The following CTTN variants were observed in gnomAD, a reference collection of about 807,000 sequenced individuals.
The protein encoded by CTTN is cortactin.
CTTN carries 28 observed loss-of-function variants against 84.0 expected under a neutral mutation model. The observed-to-expected ratio is 0.33, with a 90% CI of 0.25 to 0.46. The LOEUF (loss-of-function observed/expected upper bound fraction) is 0.46, where lower values mean the gene tolerates loss of function less well. Ranked by LOEUF, CTTN falls within the 20% of genes least tolerant of loss-of-function variation. The pLI is 1.00. For missense variants in CTTN, 641 were observed against 723.8 expected (o/e 0.89, Z 1.31); for synonymous variants, 301 against 288.8 (o/e 1.04, Z -0.43).
intron 11 of CTTN, chr11:70,422,195 C>A: frequency 3.0e-6 from 1 of 336,800 alleles, no homozygotes; most frequent in East Asian, 7.5e-5. Flanking sequence ...TTCCTTAGAG[C>A]AGTTATGTTG....
At chr11:70,424,533 G>A (rs563012588) in intron 12 of CTTN, among the ~76,000 whole-genome samples, 8 of 152,120 alleles carry the variant, frequency 5.3e-5, no homozygotes. Flanking sequence ...CAGGCTGGGA[G>A]GTGAAGTTGC....
At chr11:70,421,638 GCA>G in intron 11 of CTTN, 58 bp downstream of exon 11, 1 of 1,221,352 alleles carries the variant, frequency 8.2e-7, no homozygotes, top group Non-Finnish European at 1.2e-6. Flanking sequence ...GCCACTTCTA[GCA>G]CAGACTTCAG....
intron 5 of CTTN, among the ~76,000 whole-genome samples, chr11:70,411,047 A>G (rs775521435): frequency 3.3e-5 from 5 of 152,210 alleles, no homozygotes; most frequent in Non-Finnish European, 5.9e-5. Flanking sequence ...TTGCTGCGTC[A>G]CTACCACAGA....
At chr11:70,423,906 G>C (rs574653618) in intron 12 of CTTN, among the ~76,000 whole-genome samples, 2 of 152,340 alleles carry the variant, frequency 1.3e-5, no homozygotes, top group African/African-American at 4.8e-5. Flanking sequence ...TCTGGGTTGT[G>C]GGGGTTGGCC....
chr11:70,408,642 C>T (rs1372356396), intron 4 of CTTN, among the ~76,000 whole-genome samples: 1 of 152,204 alleles, frequency 6.6e-6, no homozygotes, highest in Non-Finnish European at 1.5e-5. Flanking sequence ...TCAGGTGATT[C>T]TCCTGCCTCA....
rs762872429 is a variant in CTTN at position 70,412,667 on chromosome 11, C to G, written c.292-1875C>G. Among the ~76,000 whole-genome samples, 5 of 152,206 alleles carry G rather than the reference C, an allele frequency of 3.3e-5. No individual in the cohort carries two copies. In the South Asian group the frequency reaches 8.3e-4, roughly 25 times the overall value. On this transcript the variant is annotated intron_variant, in intron 5 of 17. Transcript: ENST00000301843. ...TGGGGCCTGAGCACACTGCACCTTT[C>G]CCTTGCGGCCAGCGGTGGCTGCATC...
intron 7 of CTTN, chr11:70,416,710 A>T (rs1565492576): frequency 3.6e-6 from 1 of 279,984 alleles, no homozygotes; most frequent in East Asian, 7.5e-5. Flanking sequence ...GGTTCTTTGT[A>T]TGAAGCTTTC....
At chr11:70,421,251 CT>C (rs1288936894) in intron 10 of CTTN, among the ~76,000 whole-genome samples, 2 of 152,206 alleles carry the variant, frequency 1.3e-5, no homozygotes, top group African/African-American at 4.8e-5. Flanking sequence ...TGTTCCAGAT[CT>C]TCGCTGAATG....
chr11:70,434,531 C>T (rs1022859499), intron 17 of CTTN, among the ~76,000 whole-genome samples: 3 of 152,284 alleles, frequency 2.0e-5, no homozygotes, highest in Admixed American at 6.5e-5. Context: ...CGTGCATTTG[C>T]GTACACGCAT....
chr11:70,400,801 A>G (rs987462680), intron 1 of CTTN, among the ~76,000 whole-genome samples: 1 of 152,248 alleles, frequency 6.6e-6, no homozygotes, highest in Non-Finnish European at 1.5e-5. Context: ...ACTGTGCTCC[A>G]GGAGCAGGCT....
rs1025176376 is a variant in CTTN, at chr11:70,398,551, G to T, written c.-161G>T. The T allele has an allele frequency of 1.3e-5, 2 of 152,170 alleles. No individual in the cohort carries two copies. Among genetic ancestry groups the T allele is most frequent in the African/African-American group, 2.4e-5 (1 of 41,428 alleles). 9.4% of individuals were successfully genotyped at this position (152,170 alleles called of 1,614,324 possible). On this transcript the variant is annotated 5_prime_UTR_variant, in exon 1 of 18. Transcript: ENST00000301843. ...CTCGGAACCGGAAGTAGAGCCTGGTGCCTGGGAGCGGCTGGCGCGGCGGAA... is the reference window on the plus strand; with the variant it reads ...CTCGGAACCGGAAGTAGAGCCTGGTTCCTGGGAGCGGCTGGCGCGGCGGAA...
At chr11:70,434,456 A>G (rs998892633) in intron 17 of CTTN, among the ~76,000 whole-genome samples, 2 of 152,246 alleles carry the variant, frequency 1.3e-5, no homozygotes, top group African/African-American at 4.8e-5. Flanking sequence ...ACTTTCCATC[A>G]GCGCGGAAGC....
At chr11:70,419,376 C>T (rs151278479) in intron 8 of CTTN, among the ~76,000 whole-genome samples, 72 of 152,282 alleles carry the variant, frequency 4.7e-4, no homozygotes, top group African/African-American at 1.7e-3. Flanking sequence ...TCCCAAAGTG[C>T]TGTGATTACA....
At chr11:70,418,386 C>T (rs528593907) in intron 8 of CTTN, among the ~76,000 whole-genome samples, 13 of 152,368 alleles carry the variant, frequency 8.5e-5, no homozygotes, top group Non-Finnish European at 1.6e-4. Context: ...GCATGCTCCG[C>T]GAAGCTGCAT....
chr11:70,432,550 G>A (rs903635622), intron 15 of CTTN, among the ~76,000 whole-genome samples: 1 of 152,216 alleles, frequency 6.6e-6, no homozygotes, highest in Non-Finnish European at 1.5e-5. Flanking sequence ...GCTCCGAAGC[G>A]GCAGTGGTTA....
At position 70,436,275 on chromosome 11, in the gene CTTN, T is replaced by G; in HGVS notation, c.*1113T>G. ...TGTCCTGGCATTTGTGGCCACTCAC[T>G]TTGTAGGAAACTCATCTCCTTCCTG... On this transcript the variant is annotated 3_prime_UTR_variant, in exon 18 of 18. Coordinates refer to ENST00000301843, the MANE Select transcript of CTTN (RefSeq NM_005231.4). 2 of 1,597,710 alleles carry G rather than the reference T, an allele frequency of 1.3e-6. No homozygotes were observed. The highest frequency in any genetic ancestry group is 1.7e-6 in the Non-Finnish European group (2 of 1,179,592).
chr11:70,433,287 G>A lies in CTTN; in HGVS notation c.1444+9G>A. 1.9e-6 allele frequency: 3 copies of A among 1,601,934 alleles called. No individual in the cohort carries two copies. Among genetic ancestry groups the A allele is most frequent in the Non-Finnish European group, 2.6e-6 (3 of 1,174,970 alleles). ...GGGCCACTATCCCGCAGGTACTGGG[G>A]CCCCACGCTGCAGCGCCCTGCCCAG... On this transcript the variant is annotated intron_variant, in intron 16 of 17. Coordinates refer to ENST00000301843, the MANE Select transcript of CTTN (RefSeq NM_005231.4).
chr11:70,406,895 A>G (rs1019114345), intron 2 of CTTN, among the ~76,000 whole-genome samples: 3 of 152,258 alleles, frequency 2.0e-5, no homozygotes, highest in African/African-American at 7.2e-5. Flanking sequence ...CATTAGTAAC[A>G]TTTAGTATAT....
intron 4 of CTTN, 68 bp downstream of exon 4, chr11:70,407,659 C>A: frequency 6.8e-7 from 1 of 1,461,748 alleles, no homozygotes; most frequent in Non-Finnish European, 9.5e-7. Flanking sequence ...CAACAGGGCC[C>A]ATGGTCATCT....
Sources: gnomAD v4.1 joint callset for allele counts (sites outside exome capture counted in the v4.1 genomes callset) on GRCh38, gnomAD v4.1.1 for gene constraint, MANE v1.5 for transcripts, NCBI Gene and HGNC (gene_info 2026-07-23, HGNC 2026-07-21) for gene names.